The following SH2B1 variants were observed in gnomAD, a reference collection of about 807,000 sequenced individuals.
The protein encoded by SH2B1 is SH2B adaptor protein 1.
A neutral mutation model predicts 62.6 loss-of-function variants in SH2B1; 15 were observed. That is an observed-to-expected ratio of 0.24 (90% CI 0.16 to 0.37). The LOEUF (loss-of-function observed/expected upper bound fraction) is 0.37, where lower values mean the gene tolerates loss of function less well. Ranked by LOEUF, SH2B1 falls within the 10% of genes least tolerant of loss-of-function variation. The pLI is 1.00. For synonymous variants in SH2B1, 443 were observed against 438.0 expected (o/e 1.01, Z -0.14); for missense variants, 925 against 1,015.6 (o/e 0.91, Z 1.21).
At chr16:28,853,085 T>TAC (rs1257724971) in intron 1 of SH2B1, among the ~76,000 whole-genome samples, 2 of 119,058 alleles carry the variant, frequency 1.7e-5, no homozygotes, top group African/African-American at 3.4e-5. Context: ...TATTTATATA[T>TAC]ATTTATACAT....
At chr16:28,861,134 G>A (rs1339766649), upstream of SH2B1, among the ~76,000 whole-genome samples, 1 of 141,216 alleles carries the variant, frequency 7.1e-6, no homozygotes, top group African/African-American at 2.7e-5. Context: ...ACCATGCCCA[G>A]CACTTTTTTG....
intron 2 of SH2B1, 108 bp from the exon 3 acceptor site, chr16:28,868,898 T>G (rs1370083047): frequency 1.6e-5 from 14 of 861,860 alleles, no homozygotes; most frequent in Middle Eastern, 3.2e-4. Context: ...CAGAGAGAAT[T>G]CGAATGCATC....
chr16:28,873,951 T>C lies in SH2B1; in HGVS notation c.*131T>C. The C allele has an allele frequency of 1.1e-6, 1 of 930,990 alleles. No homozygotes were observed. Among genetic ancestry groups the C allele is most frequent in the South Asian group, 3.3e-5 (1 of 30,638 alleles). The allele number at this position is 930,990 out of a possible 1,614,324, so 57.7% of individuals were successfully genotyped here. On this transcript the variant is annotated 3_prime_UTR_variant, in exon 8 of 8. Transcript: ENST00000684370. The surrounding 1 kb of genome is among the most constrained non-coding windows in gnomAD (Gnocchi z 4.2). ...CCTTGTTGGCCAAGGGCATCTTTGA[T>C]GGTACAAGCAGAGGCTCGGGAGAGG...
In SH2B1 at chr16:28,872,029, C is replaced by T; in HGVS notation, c.1513+46C>T. The T allele has an allele frequency of 7.3e-7, 1 of 1,378,822 alleles. No homozygotes were observed. The highest frequency in any genetic ancestry group is 1.0e-6 in the Non-Finnish European group (1 of 967,436). The allele number at this position is 1,378,822 out of a possible 1,614,324, so 85.4% of individuals were successfully genotyped here. A position where few individuals can be genotyped will look rare whatever the true frequency, so the allele number is the denominator to read the frequency against. On this transcript the variant is annotated intron_variant, in intron 5 of 7. Transcript: ENST00000684370. The surrounding 1 kb of genome is among the most constrained non-coding windows in gnomAD (Gnocchi z 5.3). ...CATGTCTCCAGGCCTGGGTGCCTAC[C>T]TTCCTGACCACCTCTCCTGGGATCC...
chr16:28,852,486 A>ATT (rs1322823615), intron 1 of SH2B1, among the ~76,000 whole-genome samples: 4 of 48,266 alleles, frequency 8.3e-5, no homozygotes, highest in African/African-American at 2.5e-4. Context: ...ATATTTATAT[A>ATT]TACATACATA....
chr16:28,848,902 C>G (rs1962041591), intron 1 of SH2B1, among the ~76,000 whole-genome samples: 1 of 151,872 alleles, frequency 6.6e-6, no homozygotes, highest in Non-Finnish European at 1.5e-5. Context: ...GAACTCCTGA[C>G]CTCAAGTGAT....
chr16:28,849,877 C>T (rs1244831261), intron 1 of SH2B1, among the ~76,000 whole-genome samples: 1 of 152,108 alleles, frequency 6.6e-6, no homozygotes, highest in African/African-American at 2.4e-5. Context: ...GAGCCGATAT[C>T]ACGCCATTGT....
Position 28,864,078 on chromosome 16 carries a change from G to A in SH2B1, c.-2017G>A, listed in dbSNP as rs974225383. 6 of 1,327,654 alleles carry A rather than the reference G, an allele frequency of 4.5e-6. No individual in the cohort carries two copies. Among genetic ancestry groups the A allele is most frequent in the Non-Finnish European group, 4.8e-6 (5 of 1,033,652 alleles). The allele number at this position is 1,327,654 out of a possible 1,614,324, so 82.2% of individuals were successfully genotyped here. ...GGCTGGAGAGGCACTCGGCCCCGGAGAGTGCAGCAGACAGGGCTGGTCCCG... is the reference window on the plus strand; with the variant it reads ...GGCTGGAGAGGCACTCGGCCCCGGAAAGTGCAGCAGACAGGGCTGGTCCCG... On this transcript the variant is annotated 5_prime_UTR_variant, in exon 1 of 8. Coordinates refer to ENST00000684370, the MANE Select transcript of SH2B1 (RefSeq NM_001387430.1).
chr16:28,855,962 C>T (rs1288473987), intron 1 of SH2B1, among the ~76,000 whole-genome samples: 7 of 150,748 alleles, frequency 4.6e-5, no homozygotes, highest in South Asian at 2.1e-4. Flanking sequence ...TGAGCCACCG[C>T]GCCCAGCCTT....
chr16:28,859,874 C>T (rs1009837662), upstream of SH2B1, among the ~76,000 whole-genome samples: 7 of 108,526 alleles, frequency 6.5e-5, 1 homozygote, highest in African/African-American at 2.1e-4. Context: ...ATAGACCCCC[C>T]CCCCCCGGCT....
At position 28,866,105 on chromosome 16, in the gene SH2B1, C is replaced by T. The variant is rs1212406427; in HGVS notation, c.11C>T (p.Ala4Val). The T allele has an allele frequency of 2.5e-6, 4 of 1,569,548 alleles. No individual in the cohort carries two copies. The East Asian group carries it at 6.7e-5, about 26-fold the overall frequency. The change falls in exon 1 of 8, where the codon GCC (alanine) becomes GTC (valine). Residue 4 changes from alanine (A) to valine (V), a missense_variant. Physicochemically the swap from Ala to Val is moderately conservative, Grantham distance 64. Around this residue, in one of 3 missense-constraint regions of SH2B1, gnomAD observed 683 missense variants for 704.0 expected, o/e 0.97. Coordinates refer to ENST00000684370, the MANE Select transcript of SH2B1 (RefSeq NM_001387430.1). This position sits in a 1 kb window ranked among gnomAD's most constrained non-coding sequence, Gnocchi z 6.3. Reference protein sequence around the residue: MNGAPSPEDGASPS... With the variant: MNGVPSPEDGASPS... ...CTCCTGGGGCCCATCATGAATGGTG[C>T]CCCTTCCCCAGAGGACGGGGCCTCC...
intron 1 of SH2B1, among the ~76,000 whole-genome samples, chr16:28,850,303 G>C (rs139969273): frequency 0.03 from 4,522 of 152,280 alleles, 124 homozygotes; most frequent in Non-Finnish European, 0.045. Context: ...GTCTGTTATA[G>C]CTACTGCCGG....
intron 1 of SH2B1, among the ~76,000 whole-genome samples, chr16:28,849,063 G>T (rs1596607067): frequency 6.6e-6 from 1 of 152,124 alleles, no homozygotes; most frequent in Admixed American, 6.6e-5. Context: ...CAGTTAATCA[G>T]TTCTGCTTAG....
intron 1 of SH2B1, 36 bp downstream of exon 1, chr16:28,867,069 G>C: frequency 6.3e-7 from 1 of 1,598,158 alleles, no homozygotes; most frequent in Non-Finnish European, 8.5e-7. Context: ...CTGAGAGCAA[G>C]TGAGAGAGTG....
At position 28,872,406 on chromosome 16, in the gene SH2B1, G is replaced by C. The variant is rs752443269; in HGVS notation, c.1725+5G>C. On this transcript the variant is annotated splice_donor_5th_base_variant and intron_variant, in intron 6 of 7. Transcript: ENST00000684370. This position sits in a 1 kb window ranked among gnomAD's most constrained non-coding sequence, Gnocchi z 5.3. ...AACTTCCAGGGCAAGGCCAAGGTGA[G>C]CCACCCTGTGGGAAAGGCTCTGTTC... The C allele has an allele frequency of 1.9e-6, 3 of 1,595,740 alleles. No homozygotes were observed. The highest frequency in any genetic ancestry group is 1.7e-6 in the Non-Finnish European group (2 of 1,169,570).
chr16:28,847,682 A>C (rs1174111792), intron 1 of SH2B1, among the ~76,000 whole-genome samples: 1 of 151,898 alleles, frequency 6.6e-6, no homozygotes, highest in Non-Finnish European at 1.5e-5. Context: ...AGCCAGGCAC[A>C]GTAGCATGCA....
rs755278148 is a variant in SH2B1 at position 28,864,377 on chromosome 16, C to T, written c.-1718C>T. On this transcript the variant is annotated 5_prime_UTR_variant, in exon 1 of 8. Coordinates refer to ENST00000684370, the MANE Select transcript of SH2B1 (RefSeq NM_001387430.1). ...AAGGGGGCTGGGTCTGTCTGCGGTG[C>T]GGAGGATTGGGTGGGCCTGTGTGAG... 5.1e-6 allele frequency: 5 copies of T among 988,614 alleles called. No homozygotes were observed. Among genetic ancestry groups the T allele is most frequent in the Non-Finnish European group, 6.0e-6 (5 of 831,840 alleles). 61.2% of individuals were successfully genotyped at this position (988,614 alleles called of 1,614,324 possible).
At chr16:28,871,617 A>G (rs1376719497) in intron 4 of SH2B1, among the ~76,000 whole-genome samples, 163 bp from the exon 5 acceptor site, 2 of 152,224 alleles carry the variant, frequency 1.3e-5, no homozygotes, top group Non-Finnish European at 2.9e-5. Context: ...AGCATCAGTT[A>G]GGAGCCATTG....
At chr16:28,847,224 C>T (rs1961995004) in intron 1 of SH2B1, among the ~76,000 whole-genome samples, 2 of 152,186 alleles carry the variant, frequency 1.3e-5, no homozygotes, top group African/African-American at 4.8e-5. Context: ...TTTAATCTGT[C>T]GGTGTCCCCA....
Sources: gnomAD v4.1 joint callset for allele counts (sites outside exome capture counted in the v4.1 genomes callset) on GRCh38, gnomAD v4.1.1 for gene constraint, gnomAD v4.1.1 regional missense constraint, Gnocchi (gnomAD v3.1) non-coding constraint, MANE v1.5 for transcripts, NCBI Gene and HGNC (gene_info 2026-07-23, HGNC 2026-07-21) for gene names.